The following CSMD1 variants were observed in gnomAD, a reference collection of about 807,000 sequenced individuals.
The protein encoded by CSMD1 is CUB and Sushi multiple domains 1, also known as CUB and sushi domain-containing protein 1.
CSMD1 carries 213 observed loss-of-function variants against 417.5 expected under a neutral mutation model. The observed-to-expected ratio is 0.51, with a 90% CI of 0.46 to 0.57. The LOEUF (loss-of-function observed/expected upper bound fraction) is 0.57. CSMD1 is among the 20% of genes least tolerant of loss of function. The pLI is 0.00. For missense variants in CSMD1, 6,923 were observed against 4,529.7 expected, an observed-to-expected ratio of 1.53 and a Z score of -15.17; for synonymous variants, 2,862 against 1,736.8, an observed-to-expected ratio of 1.65 and a Z score of -16.11.
chr8:4,318,885 T>G (rs1052919197), intron 3 of CSMD1, among the ~76,000 whole-genome samples: 1 of 152,164 alleles, frequency 6.6e-6, no homozygotes, highest in African/African-American at 2.4e-5. Context: ...CTGTCCTAAA[T>G]GAACGTACTT....
intron 39 of CSMD1, among the ~76,000 whole-genome samples, chr8:3,152,217 C>G (rs1172128573): frequency 6.6e-6 from 1 of 152,202 alleles, no homozygotes; most frequent in Non-Finnish European, 1.5e-5. Context: ...CTTGGCGACT[C>G]ACATGTTTTG....
chr8:3,387,224 T>C (rs1228560606), intron 18 of CSMD1, among the ~76,000 whole-genome samples: 1 of 152,210 alleles, frequency 6.6e-6, no homozygotes, highest in Non-Finnish European at 1.5e-5. Flanking sequence ...ATAAATACCA[T>C]ATGTAAAACA....
At chr8:4,563,598 A>T (rs1798449296) in intron 2 of CSMD1, among the ~76,000 whole-genome samples, 1 of 152,182 alleles carries the variant, frequency 6.6e-6, no homozygotes, top group South Asian at 2.1e-4. Context: ...AGACAATGAC[A>T]CATCTCTTTA....
At chr8:4,139,335 G>A (rs145390623) in intron 3 of CSMD1, among the ~76,000 whole-genome samples, 116 of 152,262 alleles carry the variant, frequency 7.6e-4, no homozygotes, top group African/African-American at 7.7e-4. Flanking sequence ...TATTACAAAC[G>A]TAATGAAAAT....
At chr8:3,857,699 C>A (rs1218763791) in intron 5 of CSMD1, among the ~76,000 whole-genome samples, 1 of 152,184 alleles carries the variant, frequency 6.6e-6, no homozygotes, top group Non-Finnish European at 1.5e-5. Flanking sequence ...TCATAATCTT[C>A]AAATACCAGG....
chr8:4,066,745 A>G (rs1799270679), intron 3 of CSMD1, among the ~76,000 whole-genome samples: 1 of 152,150 alleles, frequency 6.6e-6, no homozygotes. Flanking sequence ...CTGAGATGCA[A>G]TCCAAACCAC....
intron 7 of CSMD1, among the ~76,000 whole-genome samples, chr8:3,671,005 G>T (rs1320451800): frequency 1.8e-5 from 2 of 110,090 alleles, no homozygotes; most frequent in East Asian, 2.6e-4. Flanking sequence ...TATATGTATG[G>T]GATATATATG....
chr8:3,638,679 G>C (rs1449137717), intron 7 of CSMD1, among the ~76,000 whole-genome samples: 1 of 152,128 alleles, frequency 6.6e-6, no homozygotes, highest in African/African-American at 2.4e-5. Flanking sequence ...CGGTTCTGTG[G>C]ACCAGAAAGT....
chr8:4,366,073 C>T (rs1802052000), intron 3 of CSMD1, among the ~76,000 whole-genome samples: 2 of 152,078 alleles, frequency 1.3e-5, no homozygotes, highest in South Asian at 2.1e-4. Context: ...AATCCATGAG[C>T]CTCTCCTACC....
intron 8 of CSMD1, 67 bp downstream of exon 8, chr8:3,616,643 C>A: frequency 9.7e-7 from 1 of 1,026,314 alleles, no homozygotes; most frequent in South Asian, 1.4e-5. Flanking sequence ...TTAAATTTAA[C>A]TGCAAGCTGA....
intron 46 of CSMD1, among the ~76,000 whole-genome samples, chr8:3,102,791 C>T (rs1213696837): frequency 6.6e-6 from 1 of 152,144 alleles, no homozygotes; most frequent in Non-Finnish European, 1.5e-5. Context: ...GCTGTAAGAG[C>T]CAGCGCCTTT....
chr8:4,467,902 GT>G (rs1233050091), intron 2 of CSMD1, among the ~76,000 whole-genome samples: 1 of 152,162 alleles, frequency 6.6e-6, no homozygotes, highest in African/African-American at 2.4e-5. Flanking sequence ...TTGAACACTG[GT>G]TTTTGGGATC....
chr8:3,783,249 T>C (rs7830049), intron 5 of CSMD1, among the ~76,000 whole-genome samples: 15,154 of 152,254 alleles, frequency 0.1, 982 homozygotes, highest in African/African-American at 0.18. Flanking sequence ...ACTGTGTAGG[T>C]GCTCCCGGAA....
intron 2 of CSMD1, among the ~76,000 whole-genome samples, chr8:4,584,049 C>G (rs953042387): frequency 4.0e-5 from 6 of 151,806 alleles, no homozygotes; most frequent in African/African-American, 1.5e-4. Flanking sequence ...ACACTCACTA[C>G]GAAGGTCTGC....
intron 2 of CSMD1, among the ~76,000 whole-genome samples, chr8:4,553,029 G>A (rs988023595): frequency 5.3e-5 from 8 of 152,150 alleles, no homozygotes; most frequent in African/African-American, 1.7e-4. Flanking sequence ...CATGAAGCAC[G>A]TTAATAATAA....
chr8:4,414,378 T>A (rs1044023191), intron 3 of CSMD1, among the ~76,000 whole-genome samples: 20 of 152,148 alleles, frequency 1.3e-4, no homozygotes, highest in African/African-American at 4.6e-4. Flanking sequence ...TGGTGAAAAT[T>A]CAAGGACTGT....
intron 1 of CSMD1, among the ~76,000 whole-genome samples, chr8:4,695,044 C>T (rs937686999): frequency 6.6e-6 from 1 of 152,110 alleles, no homozygotes; most frequent in Non-Finnish European, 1.5e-5. Context: ...TCATCTTCCC[C>T]CTTCCCCCTT....
chr8:3,647,136 T>C (rs2117355844), intron 7 of CSMD1, among the ~76,000 whole-genome samples: 1 of 152,268 alleles, frequency 6.6e-6, no homozygotes, highest in African/African-American at 2.4e-5. Flanking sequence ...CATAGGAATG[T>C]AAGCTTGTAG....
intron 3 of CSMD1, among the ~76,000 whole-genome samples, chr8:4,340,399 T>C (rs914256134): frequency 2.0e-5 from 3 of 152,108 alleles, no homozygotes; most frequent in African/African-American, 7.2e-5. Context: ...GACATGAGTT[T>C]GCTTTACCAT....
Sources: gnomAD v4.1 joint callset for allele counts (sites outside exome capture counted in the v4.1 genomes callset) on GRCh38, gnomAD v4.1.1 for gene constraint, MANE v1.5 for transcripts, NCBI Gene and HGNC (gene_info 2026-07-23, HGNC 2026-07-21) for gene names.